Variants in CAMK1D observed in about 807,000 individuals in gnomAD.
The protein encoded by CAMK1D is calcium/calmodulin-dependent protein kinase type 1D.
A neutral mutation model predicts 47.7 loss-of-function variants in CAMK1D; 9 were observed. That is an observed-to-expected ratio of 0.19 (90% CI 0.11 to 0.33). CAMK1D has a LOEUF of 0.33. CAMK1D is among the 10% of genes least tolerant of loss of function. The pLI, the probability that CAMK1D is intolerant of heterozygous loss-of-function variation, is 1.00. For synonymous variants in CAMK1D, 184 were observed against 184.9 expected (o/e 0.99, Z 0.04); for missense variants, 291 against 488.7 (o/e 0.60, Z 3.81).
chr10:12,819,306 G>A lies in CAMK1D; in HGVS notation c.833+2978G>A, dbSNP rs148835236. On this transcript the variant is annotated intron_variant, in intron 8 of 10. Coordinates refer to ENST00000619168, the MANE Select transcript of CAMK1D (RefSeq NM_153498.4). ...AGATGAGCGTCTGGGCATACAACAC[G>A]GGAGCTTAAAACTGCATGTGCGTTC... Among the ~76,000 whole-genome samples the A allele has an allele frequency of 6.7e-3, 1,027 of 152,316 alleles. 12 individuals carry two copies. Among genetic ancestry groups the A allele is most frequent in the African/African-American group, 0.023 (960 of 41,558 alleles).
chr10:12,629,357 G>A (rs1394213567), intron 2 of CAMK1D, among the ~76,000 whole-genome samples: 2 of 152,234 alleles, frequency 1.3e-5, no homozygotes, highest in African/African-American at 4.8e-5. Flanking sequence ...TGCACTCGAT[G>A]TAGTAAAAAC....
chr10:12,649,557 G>C, intron 2 of CAMK1D, among the ~76,000 whole-genome samples: 1 of 152,156 alleles, frequency 6.6e-6, no homozygotes, highest in East Asian at 1.9e-4. Flanking sequence ...TCAGTCAATG[G>C]TATTCTAATT....
At chr10:12,630,971 C>T (rs919125881) in intron 2 of CAMK1D, among the ~76,000 whole-genome samples, 4 of 152,054 alleles carry the variant, frequency 2.6e-5, no homozygotes, top group South Asian at 2.1e-4. Context: ...CATTATCTTA[C>T]GACATAAACA....
chr10:12,395,713 G>A (rs956945151), intron 1 of CAMK1D, among the ~76,000 whole-genome samples: 37 of 151,788 alleles, frequency 2.4e-4, no homozygotes, highest in Non-Finnish European at 2.4e-4. Flanking sequence ...TCAGGAGTTC[G>A]AGACCAGCCT....
intron 8 of CAMK1D, among the ~76,000 whole-genome samples, chr10:12,817,032 C>T (rs762319729): frequency 4.6e-5 from 7 of 152,002 alleles, no homozygotes; most frequent in Non-Finnish European, 1.0e-4. Context: ...TGGGAGCAGG[C>T]AAAAAGAGAG....
intron 1 of CAMK1D, among the ~76,000 whole-genome samples, chr10:12,520,590 T>G (rs1835376382): frequency 4.0e-5 from 2 of 49,782 alleles, no homozygotes; most frequent in Admixed American, 2.1e-4. Context: ...CTGGGAGGTG[T>G]AGGTTGTAGT....
chr10:12,425,109 C>A (rs1006398443), intron 1 of CAMK1D, among the ~76,000 whole-genome samples: 1 of 152,106 alleles, frequency 6.6e-6, no homozygotes, highest in African/African-American at 2.4e-5. Flanking sequence ...ATGTTCACCT[C>A]CAGCCTTGAC....
intron 2 of CAMK1D, chr10:12,578,789 A>G (rs1379285964): frequency 1.9e-5 from 3 of 154,208 alleles, no homozygotes; most frequent in African/African-American, 7.2e-5. Flanking sequence ...CCACCCAGGG[A>G]GTAAGTAGCC....
intron 1 of CAMK1D, among the ~76,000 whole-genome samples, chr10:12,550,195 A>G (rs975140970): frequency 6.6e-6 from 1 of 152,206 alleles, no homozygotes; most frequent in Non-Finnish European, 1.5e-5. Flanking sequence ...CAACAAACTC[A>G]GGACCATTGG....
At chr10:12,825,833 T>G in intron 10 of CAMK1D, 143 bp downstream of exon 10, 1 of 1,388,094 alleles carries the variant, frequency 7.2e-7, no homozygotes, top group South Asian at 1.4e-5. Context: ...ACCCTAGGAC[T>G]TTTTTTAACA....
intron 1 of CAMK1D, among the ~76,000 whole-genome samples, chr10:12,378,077 G>A (rs1162651959): frequency 3.3e-5 from 5 of 152,282 alleles, no homozygotes; most frequent in East Asian, 1.9e-4. Context: ...GTGAGGCCTC[G>A]TTCCTCTGGA....
rs1835241594 is a variant in CAMK1D at position 12,517,305 on chromosome 10, C to CA, written c.93-35918dup. Among the ~76,000 whole-genome samples the CA allele has an allele frequency of 2.0e-5, 3 of 152,124 alleles. No homozygotes were observed. In the South Asian group the frequency reaches 6.2e-4, roughly 31 times the overall value. ...TCTTTGAGATTTTTAAAAACATAAA[C>CA]AATCATGTTATCTGCAAACAGAGAT... On this transcript the variant is annotated intron_variant, in intron 1 of 10. Coordinates refer to ENST00000619168, the MANE Select transcript of CAMK1D (RefSeq NM_153498.4).
intron 1 of CAMK1D, among the ~76,000 whole-genome samples, chr10:12,552,649 C>T (rs1033528163): frequency 2.6e-5 from 4 of 152,154 alleles, no homozygotes; most frequent in African/African-American, 7.2e-5. Context: ...CAAGTGGTAC[C>T]GGGAGGTGGC....
intron 6 of CAMK1D, among the ~76,000 whole-genome samples, chr10:12,793,448 G>T (rs12769872): frequency 0.27 from 40,435 of 152,000 alleles, 6,129 homozygotes; most frequent in Admixed American, 0.34. Context: ...TAGAATGACT[G>T]GGATAAGCAG....
At chr10:12,502,233 T>G (rs1834727021) in intron 1 of CAMK1D, among the ~76,000 whole-genome samples, 1 of 152,038 alleles carries the variant, frequency 6.6e-6, no homozygotes, top group Non-Finnish European at 1.5e-5. Context: ...ATGCAGAGCT[T>G]TAGGAAGGTA....
At chr10:12,743,091 C>G (rs1259875253) in intron 3 of CAMK1D, among the ~76,000 whole-genome samples, 2 of 152,028 alleles carry the variant, frequency 1.3e-5, no homozygotes, top group African/African-American at 4.8e-5. Context: ...GCCTGTAATC[C>G]CAGCACTTTG....
chr10:12,751,104 AAGATAAGATAAGATAAGAT>A (rs1375174503), intron 3 of CAMK1D, among the ~76,000 whole-genome samples: 10 of 66,754 alleles, frequency 1.5e-4, no homozygotes, highest in Non-Finnish European at 2.7e-4. Flanking sequence ...AAGATAAGAT[AAGATAAGATAAGATAAGAT>A]AAGAAGGCTT....
At chr10:12,412,791 G>C (rs1379880610) in intron 1 of CAMK1D, among the ~76,000 whole-genome samples, 1 of 151,958 alleles carries the variant, frequency 6.6e-6, no homozygotes, top group South Asian at 2.1e-4. Context: ...GTGGTGAAGT[G>C]GGGTGTTTGG....
At chr10:12,609,074 A>T (rs928498346) in intron 2 of CAMK1D, among the ~76,000 whole-genome samples, 1 of 152,268 alleles carries the variant, frequency 6.6e-6, no homozygotes, top group Admixed American at 6.5e-5. Context: ...CCAAGGGGCC[A>T]TGCATGTGCA....
Sources: allele counts gnomAD v4.1 joint callset (sites outside exome capture counted in the v4.1 genomes callset), GRCh38; gene constraint gnomAD v4.1.1; transcripts MANE v1.5; gene names NCBI Gene and HGNC (gene_info 2026-07-23, HGNC 2026-07-21).